Variants in SGSM1 observed in about 807,000 individuals in gnomAD.
The protein encoded by SGSM1 is RUN and TBC1 domain containing 2.
A neutral mutation model predicts 133.8 loss-of-function variants in SGSM1; 73 were observed. The ratio of observed to expected loss-of-function variants is 0.55; its 90% confidence interval spans 0.45 to 0.66. SGSM1 has a LOEUF of 0.66. SGSM1 is among the 30% of genes least tolerant of loss of function. SGSM1 has a pLI of 0.00. For synonymous variants in SGSM1, 563 were observed against 573.0 expected (o/e 0.98, Z 0.25); for missense variants, 1,213 against 1,448.1 (o/e 0.84, Z 2.64).
intron 2 of SGSM1, among the ~76,000 whole-genome samples, chr22:24,828,268 G>A (rs1228247301): frequency 6.6e-6 from 1 of 152,134 alleles, no homozygotes; most frequent in Non-Finnish European, 1.5e-5. Flanking sequence ...TTTCCTGGCT[G>A]TGTGACCCTG....
chr22:24,887,646 T>C (rs1932694348), intron 16 of SGSM1, among the ~76,000 whole-genome samples: 1 of 151,968 alleles, frequency 6.6e-6, no homozygotes, highest in Non-Finnish European at 1.5e-5. Context: ...TTCAGTTTTA[T>C]ATGAAACTGG....
chr22:24,809,914 G>A (rs1927633608), intron 2 of SGSM1, among the ~76,000 whole-genome samples: 1 of 152,200 alleles, frequency 6.6e-6, no homozygotes, highest in Admixed American at 6.5e-5. Context: ...GAAGACAGGT[G>A]CAAGATGAGT....
At chr22:24,890,053 T>G (rs1375931520) in intron 16 of SGSM1, among the ~76,000 whole-genome samples, 2 of 149,924 alleles carry the variant, frequency 1.3e-5, no homozygotes, top group East Asian at 3.9e-4. Flanking sequence ...GCCTGCTGGG[T>G]TCACGCCATT....
In SGSM1 at chr22:24,838,721, C is replaced by G. The variant is rs191334841; in HGVS notation, c.64-6176C>G. On this transcript the variant is annotated intron_variant, in intron 2 of 24. Coordinates refer to ENST00000400358, the MANE Select transcript of SGSM1 (RefSeq NM_001098497.3). ...GTTCTGGGCTCTCTATTCCATTTGT[C>G]TAAATGTGTGTTTTTTTTTAATGAC... Among the ~76,000 whole-genome samples the G allele has an allele frequency of 7.1e-4, 108 of 151,776 alleles. 1 individual carries two copies. Among genetic ancestry groups the G allele is most frequent in the African/African-American group, 2.5e-3 (105 of 41,374 alleles).
chr22:24,897,825 C>T lies in SGSM1; in HGVS notation c.2023-147C>T, dbSNP rs78713710. 5,027 of 716,060 alleles carry T rather than the reference C, an allele frequency of 7.0e-3. 35 individuals are homozygous for T. The highest frequency in any genetic ancestry group is 0.012 in the Admixed American group (429 of 35,800). 44.4% of individuals were successfully genotyped at this position (716,060 alleles called of 1,614,324 possible). ...GCGTATATTACACCTTGTTTTGCCT[C>T]GTTCTTTTCACTGACTGTATGGTAT... On this transcript the variant is annotated intron_variant, in intron 18 of 24. Coordinates refer to ENST00000400358, the MANE Select transcript of SGSM1 (RefSeq NM_001098497.3).
intron 1 of SGSM1, 25 bp from the exon 2 acceptor site, chr22:24,806,416 G>A (rs756291351): frequency 6.6e-7 from 1 of 1,521,910 alleles, no homozygotes; most frequent in Admixed American, 2.1e-5. Context: ...CGGCTGACCC[G>A]CGGCTCTCGT....
chr22:24,865,198 T>C (rs954026685), intron 9 of SGSM1, among the ~76,000 whole-genome samples: 1 of 152,166 alleles, frequency 6.6e-6, no homozygotes, highest in Non-Finnish European at 1.5e-5. Context: ...GTGAACATTG[T>C]CTGAGCATCA....
In SGSM1 at chr22:24,898,531, C is replaced by T; in HGVS notation, c.2582C>T (p.Pro861Leu). The stretch of plus-strand genomic sequence containing the variant: ...ACTACTTCTGCCAACGAGGTGTCCC[C>T]TGTGTCTTCCAGCGGCGTCACCTAC... ...AVTTSANEVS[P>L]VSSSGVTYSP... The change falls in exon 19 of 25, where the codon CCT (proline) becomes CTT (leucine). Residue 861 changes from proline (P) to leucine (L), a missense_variant. Pro to Leu is a moderately conservative substitution (Grantham distance 98, BLOSUM62 -3). Coordinates refer to ENST00000400358, the MANE Select transcript of SGSM1 (RefSeq NM_001098497.3). The T allele has an allele frequency of 6.2e-7, 1 of 1,610,858 alleles. No homozygotes were observed. Among genetic ancestry groups the T allele is most frequent in the Non-Finnish European group, 8.5e-7 (1 of 1,178,092 alleles).
rs749531441 is a variant in SGSM1, at chr22:24,905,171, G to A, written c.2802G>A (p.Leu934=). The A allele has an allele frequency of 9.3e-6, 15 of 1,613,958 alleles. No homozygotes were observed. The highest frequency in any genetic ancestry group is 2.2e-5 in the East Asian group (1 of 44,880). The change falls in exon 21 of 25, where the codon CTG becomes CTA. Residue 934 remains leucine (L), a synonymous_variant. Transcript: ENST00000400358. ...TGTGTGATCTTCTGGCTCCACTGCT[G>A]GTCATTCTGGATGATGGTGAGTGTG... ...QGMCDLLAPL[L]VILDDEALAF...
intron 2 of SGSM1, among the ~76,000 whole-genome samples, chr22:24,840,914 T>A (rs763085408): frequency 6.6e-6 from 1 of 152,028 alleles, no homozygotes; most frequent in South Asian, 2.1e-4. Flanking sequence ...GCAGTGGCGC[T>A]ATCTCGGCTC....
chr22:24,844,683 G>T, intron 2 of SGSM1: 1 of 556,240 alleles, frequency 1.8e-6, no homozygotes, highest in Non-Finnish European at 3.2e-6. Flanking sequence ...TGAAGAACCT[G>T]AACGAATAAT....
Position 24,821,356 on chromosome 22 carries a change from T to TG in SGSM1, c.63+14873dup, listed in dbSNP as rs370270668. On this transcript the variant is annotated intron_variant, in intron 2 of 24. Transcript: ENST00000400358. ...CCAGCCTGAGCCGATATCTTGATGATGAAAACAAGAGGCTGTGTAGAGAAC... is the reference window on the plus strand; with the variant it reads ...CCAGCCTGAGCCGATATCTTGATGATGGAAAACAAGAGGCTGTGTAGAGAAC... Among the ~76,000 whole-genome samples the TG allele has an allele frequency of 3.3e-5, 5 of 152,186 alleles. No individual in the cohort carries two copies. The East Asian group carries it at 9.7e-4, about 29-fold the overall frequency.
chr22:24,884,821 A>T (rs1932512247), intron 15 of SGSM1, among the ~76,000 whole-genome samples: 1 of 152,244 alleles, frequency 6.6e-6, no homozygotes, highest in African/African-American at 2.4e-5. Flanking sequence ...ATGAAATTTT[A>T]AAAAGAAAAC....
At chr22:24,847,196 A>G (rs57215121) in intron 3 of SGSM1, among the ~76,000 whole-genome samples, 6,683 of 152,220 alleles carry the variant, frequency 0.044, 499 homozygotes, top group African/African-American at 0.15. Context: ...TTCATTCAAA[A>G]CAAAGTGTTT....
At chr22:24,860,973 G>A (rs1427485704) in intron 9 of SGSM1, among the ~76,000 whole-genome samples, 3 of 130,898 alleles carry the variant, frequency 2.3e-5, no homozygotes, top group Non-Finnish European at 4.7e-5. Flanking sequence ...ATGCAGACAT[G>A]ATATGATTTC....
intron 22 of SGSM1, among the ~76,000 whole-genome samples, chr22:24,916,263 C>T (rs754835769): frequency 6.6e-6 from 1 of 152,144 alleles, no homozygotes; most frequent in Non-Finnish European, 1.5e-5. Flanking sequence ...TTTCTGTTTC[C>T]GTGGATTTGC....
intron 22 of SGSM1, among the ~76,000 whole-genome samples, chr22:24,917,203 G>T (rs998178594): frequency 1.3e-5 from 2 of 151,874 alleles, no homozygotes; most frequent in Non-Finnish European, 2.9e-5. Flanking sequence ...TTCTTCTTGG[G>T]TATATACCTA....
At chr22:24,911,236 CA>C (rs1247682491) in intron 21 of SGSM1, among the ~76,000 whole-genome samples, 1 of 147,894 alleles carries the variant, frequency 6.8e-6, no homozygotes, top group Non-Finnish European at 1.5e-5. Flanking sequence ...GACCCTGTCT[CA>C]AAAATTAATT....
chr22:24,850,241 C>G (rs1264093729), intron 4 of SGSM1, 39 bp from the exon 5 acceptor site: 1 of 1,526,838 alleles, frequency 6.5e-7, no homozygotes. Context: ...TAGATTTGCT[C>G]TTGTGAGTAT....
Sources: gnomAD v4.1 joint callset for allele counts (sites outside exome capture counted in the v4.1 genomes callset) on GRCh38, gnomAD v4.1.1 for gene constraint, MANE v1.5 for transcripts, NCBI Gene and HGNC (gene_info 2026-07-23, HGNC 2026-07-21) for gene names.